Variants in GPC5 observed in about 807,000 individuals in gnomAD.
GPC5 encodes the protein glypican-5.
Under a neutral mutation model 53.9 loss-of-function variants are expected in GPC5, and 47 were observed. That is an observed-to-expected ratio of 0.87 (90% CI 0.69 to 1.11). The LOEUF is 1.11. Among genes scored for constraint, GPC5 ranks in the 50% most tolerant of loss-of-function variants. The probability of loss-of-function intolerance (pLI) is 0.00; values close to 1 mark genes in which losing one functional copy is unlikely to be tolerated. For missense variants in GPC5, 748 were observed against 713.1 expected (o/e 1.05, Z -0.56); for synonymous variants, 286 against 263.3 (o/e 1.09, Z -0.84).
intron 7 of GPC5, among the ~76,000 whole-genome samples, chr13:92,556,827 G>C (rs1239012248): frequency 6.6e-6 from 1 of 151,862 alleles, no homozygotes; most frequent in Non-Finnish European, 1.5e-5. Context: ...ACTGTGGTCT[G>C]AAATGTCACC....
chr13:91,681,086 T>C (rs1168313093), intron 2 of GPC5, among the ~76,000 whole-genome samples: 1 of 152,178 alleles, frequency 6.6e-6, no homozygotes, highest in African/African-American at 2.4e-5. Flanking sequence ...TCTCAATAAA[T>C]TTTTAAGAGT....
chr13:92,623,888 G>A (rs1884959597), intron 7 of GPC5, among the ~76,000 whole-genome samples: 1 of 151,662 alleles, frequency 6.6e-6, no homozygotes, highest in Non-Finnish European at 1.5e-5. Context: ...ACAGAGTTTT[G>A]CTCTTGCCCA....
intron 2 of GPC5, among the ~76,000 whole-genome samples, chr13:91,653,231 G>T (rs1005713694): frequency 6.6e-6 from 1 of 152,154 alleles, no homozygotes; most frequent in Non-Finnish European, 1.5e-5. Context: ...CCCCAACTTT[G>T]TTGGTGTGTC....
chr13:92,291,108 C>T (rs1442040100), intron 7 of GPC5, among the ~76,000 whole-genome samples: 12 of 152,176 alleles, frequency 7.9e-5, no homozygotes, highest in African/African-American at 4.8e-5. Context: ...ACCTGCAGCC[C>T]GCCATGCCTG....
At chr13:92,466,340 C>G (rs1878691009) in intron 7 of GPC5, among the ~76,000 whole-genome samples, 1 of 151,886 alleles carries the variant, frequency 6.6e-6, no homozygotes. Flanking sequence ...AGAATGATAA[C>G]AAAATTATGG....
chr13:92,651,234 A>T (rs1023499217), intron 7 of GPC5, among the ~76,000 whole-genome samples: 17 of 104,212 alleles, frequency 1.6e-4, no homozygotes, highest in African/African-American at 4.5e-4. Flanking sequence ...AATACACCAT[A>T]TGAAAATTGA....
At chr13:92,843,281 C>T (rs181089677) in intron 7 of GPC5, among the ~76,000 whole-genome samples, 11 of 152,054 alleles carry the variant, frequency 7.2e-5, no homozygotes, top group African/African-American at 2.7e-4. Context: ...ACAGTAAATG[C>T]TAAACAATCC....
chr13:92,494,051 T>G (rs560793485), intron 7 of GPC5, among the ~76,000 whole-genome samples: 1 of 77,294 alleles, frequency 1.3e-5, no homozygotes, highest in Admixed American at 1.5e-4. Flanking sequence ...AGAATTACTT[T>G]GTGTTTTTTT....
At chr13:92,307,163 A>C (rs1047046896) in intron 7 of GPC5, among the ~76,000 whole-genome samples, 6 of 152,228 alleles carry the variant, frequency 3.9e-5, no homozygotes, top group Non-Finnish European at 7.3e-5. Context: ...AATTTTGCAC[A>C]TTTGCTCAGC....
chr13:92,798,356 C>T (rs7993961), intron 7 of GPC5, among the ~76,000 whole-genome samples: 3,000 of 151,924 alleles, frequency 0.02, 104 homozygotes, highest in African/African-American at 0.069. Context: ...TGTTCATAAT[C>T]GATACTAAAT....
At chr13:92,760,160 T>C (rs536985336) in intron 7 of GPC5, among the ~76,000 whole-genome samples, 4 of 151,930 alleles carry the variant, frequency 2.6e-5, no homozygotes, top group South Asian at 4.2e-4. Flanking sequence ...ATGGTGTCTT[T>C]GTCTGGTTTA....
At chr13:91,674,450 T>C (rs1390875466) in intron 2 of GPC5, among the ~76,000 whole-genome samples, 2 of 148,968 alleles carry the variant, frequency 1.3e-5, no homozygotes, top group Non-Finnish European at 3.0e-5. Context: ...TATATACACA[T>C]ACACACACAC....
intron 7 of GPC5, among the ~76,000 whole-genome samples, chr13:92,601,132 T>C (rs1442299992): frequency 6.6e-6 from 1 of 152,214 alleles, no homozygotes; most frequent in Non-Finnish European, 1.5e-5. Flanking sequence ...AATTTTAACC[T>C]GTAGCATTTT....
intron 5 of GPC5, among the ~76,000 whole-genome samples, chr13:91,797,797 C>T (rs1202742451): frequency 1.3e-5 from 2 of 152,140 alleles, no homozygotes; most frequent in South Asian, 2.1e-4. Context: ...AGCTGAGATG[C>T]TTGTGATACC....
At chr13:92,490,428 A>T (rs1879717789) in intron 7 of GPC5, among the ~76,000 whole-genome samples, 1 of 152,144 alleles carries the variant, frequency 6.6e-6, no homozygotes, top group African/African-American at 2.4e-5. Flanking sequence ...CCTCATCAAA[A>T]ATGATGGCTC....
At chr13:91,452,944 A>C (rs1881284473) in intron 2 of GPC5, among the ~76,000 whole-genome samples, 1 of 151,916 alleles carries the variant, frequency 6.6e-6, no homozygotes, top group African/African-American at 2.4e-5. Context: ...TTATGCTCAT[A>C]TATTTCTAAA....
At chr13:91,553,720 T>A (rs2030781178) in intron 2 of GPC5, among the ~76,000 whole-genome samples, 1 of 152,232 alleles carries the variant, frequency 6.6e-6, no homozygotes, top group African/African-American at 2.4e-5. Flanking sequence ...AGTTATGTAT[T>A]TCTAATGTCA....
chr13:92,600,711 T>G (rs1018550503), intron 7 of GPC5, among the ~76,000 whole-genome samples: 2 of 151,438 alleles, frequency 1.3e-5, no homozygotes, highest in Non-Finnish European at 2.9e-5. Context: ...TTCACCCTGT[T>G]AGCCAGGCGA....
Position 92,570,127 on chromosome 13 carries a change from G to A in GPC5, c.1562-296155G>A, listed in dbSNP as rs906151718. ...AATGTTTTATACATGCTTGCTGTAG[G>A]TAATATTTGACAATCATAAAAGAAG... is the stretch of plus-strand genomic sequence containing the variant. On this transcript the variant is annotated intron_variant, in intron 7 of 7. Transcript: ENST00000377067. Among the ~76,000 whole-genome samples, 25 of 152,214 alleles carry A rather than the reference G, an allele frequency of 1.6e-4. No individual in the cohort carries two copies. In the South Asian group the frequency reaches 4.6e-3, roughly 28 times the overall value.
Sources: gnomAD v4.1 joint callset for allele counts (sites outside exome capture counted in the v4.1 genomes callset) on GRCh38, gnomAD v4.1.1 for gene constraint, MANE v1.5 for transcripts, NCBI Gene and HGNC (gene_info 2026-07-23, HGNC 2026-07-21) for gene names.